APLF: variants seen among roughly 807,000 people sequenced by gnomAD.
The protein encoded by APLF is aprataxin and PNKP like factor.
In APLF, 61 loss-of-function variants were observed where a neutral mutation model predicts 55.6. The observed-to-expected ratio is 1.10, with a 90% CI of 0.89 to 1.36. APLF has a LOEUF of 1.36. APLF is among the 40% of genes most tolerant of loss of function. The pLI, the probability that APLF is intolerant of heterozygous loss-of-function variation, is 0.00. For synonymous variants in APLF, 207 were observed against 214.8 expected (o/e 0.96, Z 0.32); for missense variants, 611 against 602.5 (o/e 1.01, Z -0.15).
In APLF at chr2:68,472,991, G is replaced by T. The variant is rs543343308; in HGVS notation, c.96+5164G>T. On this transcript the variant is annotated intron_variant, in intron 1 of 9. Coordinates refer to ENST00000303795, the MANE Select transcript of APLF (RefSeq NM_173545.3). The stretch of plus-strand genomic sequence containing the variant: ...ACATTCTACACAGTATGGTATGTTT[G>T]TTGGAATTGATGAATCCACATTGAC... 2.6e-5 allele frequency among the ~76,000 whole-genome samples: 4 copies of T among 152,230 alleles called. No individual in the cohort carries two copies. In the South Asian group the frequency reaches 8.3e-4, roughly 32 times the overall value.
chr2:68,470,066 C>T (rs1573136152), intron 1 of APLF, among the ~76,000 whole-genome samples: 1 of 152,126 alleles, frequency 6.6e-6, no homozygotes, highest in Non-Finnish European at 1.5e-5. Context: ...CTTTCTTGTT[C>T]CCTTTGCTTT....
chr2:68,483,327 G>T (rs1676023026), intron 1 of APLF, among the ~76,000 whole-genome samples: 1 of 152,162 alleles, frequency 6.6e-6, no homozygotes, highest in South Asian at 2.1e-4. Flanking sequence ...CTGGGGCCCT[G>T]TGCTTACCAT....
In APLF at chr2:68,579,494, T is replaced by A; in HGVS notation, c.*1472T>A. On this transcript the variant is annotated 3_prime_UTR_variant, in exon 10 of 10. Coordinates refer to ENST00000303795, the MANE Select transcript of APLF (RefSeq NM_173545.3). ...TTCCACATAAAAACTGTACACAATG[T>A]CAATAGAAGCATTATTCTTAACAGC... The A allele has an allele frequency of 1.4e-6, 1 of 738,748 alleles. No individual in the cohort carries two copies. Among genetic ancestry groups the A allele is most frequent in the Non-Finnish European group, 1.7e-6 (1 of 605,090 alleles). The allele number at this position is 738,748 out of a possible 1,614,324, so 45.8% of individuals were successfully genotyped here.
chr2:68,574,202 T>A (rs984258215), intron 9 of APLF, among the ~76,000 whole-genome samples: 1 of 152,162 alleles, frequency 6.6e-6, no homozygotes, highest in Non-Finnish European at 1.5e-5. Flanking sequence ...AGTTTAATTT[T>A]TTTTTTTGGC....
chr2:68,545,254 G>C lies in APLF; in HGVS notation c.1228G>C (p.Val410Leu), dbSNP rs1028380032. The change falls in exon 8 of 10, where the codon GTG (valine) becomes CTG (leucine). Residue 410 changes from valine (V) to leucine (L), a missense_variant. By Grantham distance (32) the Val-to-Leu change is conservative. Coordinates refer to ENST00000303795, the MANE Select transcript of APLF (RefSeq NM_173545.3). ...TAGTGATTATGGAGGTGTACAAATC[G>C]TGGGCCAAGATGAGACTGATGACCG... ...GDSDYGGVQI[V>L]GQDETDDRPE... The C allele has an allele frequency of 8.7e-6, 14 of 1,613,746 alleles. No homozygotes were observed. The highest frequency in any genetic ancestry group is 1.0e-5 in the Non-Finnish European group (12 of 1,179,830).
At chr2:68,501,449 C>T (rs1676720511) in intron 2 of APLF, among the ~76,000 whole-genome samples, 1 of 151,482 alleles carries the variant, frequency 6.6e-6, no homozygotes, top group South Asian at 2.1e-4. Flanking sequence ...CACCAAAGAT[C>T]TGCATTATGT....
chr2:68,542,568 A>G (rs925820647), intron 7 of APLF, among the ~76,000 whole-genome samples: 1 of 152,168 alleles, frequency 6.6e-6, no homozygotes, highest in Non-Finnish European at 1.5e-5. Flanking sequence ...ATCACTAAAC[A>G]TTAGGGAAAT....
chr2:68,493,656 G>T (rs1442197316), intron 2 of APLF, among the ~76,000 whole-genome samples: 4 of 152,122 alleles, frequency 2.6e-5, no homozygotes, highest in African/African-American at 9.7e-5. Context: ...CCTGAGACTG[G>T]GTAATTTATA....
intron 8 of APLF, among the ~76,000 whole-genome samples, chr2:68,562,209 A>G (rs1275142630): frequency 6.6e-6 from 1 of 151,986 alleles, no homozygotes; most frequent in East Asian, 1.9e-4. Flanking sequence ...TAGAAGCAGA[A>G]TAGTGGTTAC....
At position 68,471,460 on chromosome 2, in the gene APLF, A is replaced by G. The variant is rs149101109; in HGVS notation, c.96+3633A>G. Among the ~76,000 whole-genome samples, 986 of 152,340 alleles carry G rather than the reference A, an allele frequency of 6.5e-3. 7 individuals are homozygous for G. The highest frequency in any genetic ancestry group is 0.023 in the African/African-American group (940 of 41,572). The stretch of plus-strand genomic sequence containing the variant: ...AAGAAACTTATAGTTTTGTAGGGTT[A>G]AGAGACAAATAAACAAGTATTAGTA... On this transcript the variant is annotated intron_variant, in intron 1 of 9. Coordinates refer to ENST00000303795, the MANE Select transcript of APLF (RefSeq NM_173545.3).
chr2:68,534,542 C>T (rs1323597580), intron 6 of APLF, among the ~76,000 whole-genome samples: 3 of 152,054 alleles, frequency 2.0e-5, no homozygotes, highest in African/African-American at 4.8e-5. Context: ...AGAAGTTAAC[C>T]GGCTATTTTA....
At chr2:68,483,369 C>T (rs535089363) in intron 1 of APLF, among the ~76,000 whole-genome samples, 36 of 152,336 alleles carry the variant, frequency 2.4e-4, no homozygotes, top group Middle Eastern at 3.4e-3. Flanking sequence ...TGGCTCCCAG[C>T]CAGTCTCACT....
In APLF at chr2:68,497,581, CT is replaced by C. The variant is rs111444956; in HGVS notation, c.169-5137del. 4.3e-3 allele frequency among the ~76,000 whole-genome samples: 629 copies of C among 144,622 alleles called. 5 individuals are homozygous for C. Among genetic ancestry groups the C allele is most frequent in the East Asian group, 0.024 (121 of 4,998 alleles). 94.9% of individuals were successfully genotyped at this position (144,622 alleles called of 152,430 possible). ...CTACAGAACTGTGGGTCAATTAAAC[CT>C]TTTTTTTTTTTTAAATAAATTACCC... On this transcript the variant is annotated intron_variant, in intron 2 of 9. Transcript: ENST00000303795.
In APLF at chr2:68,480,050, TAATC is replaced by T. The variant is rs548291721; in HGVS notation, c.97-10134_97-10131del. On this transcript the variant is annotated intron_variant, in intron 1 of 9. Coordinates refer to ENST00000303795, the MANE Select transcript of APLF (RefSeq NM_173545.3). Reference sequence around the variant, plus strand: ...TACATATAACATGCAAAATATGTGTTAATCAATCATTTATAATTGATTAAAGCTT... The same window carrying T: ...TACATATAACATGCAAAATATGTGTTAATCATTTATAATTGATTAAAGCTT... Among the ~76,000 whole-genome samples, 21 of 152,318 alleles carry T rather than the reference TAATC, an allele frequency of 1.4e-4. No individual in the cohort carries two copies. In the South Asian group the frequency reaches 1.4e-3, roughly 11 times the overall value.
chr2:68,483,297 A>G (rs749096145), intron 1 of APLF, among the ~76,000 whole-genome samples: 1 of 152,170 alleles, frequency 6.6e-6, no homozygotes, highest in African/African-American at 2.4e-5. Context: ...TCCTGTAGTA[A>G]GGACTGCAAG....
At position 68,490,171 on chromosome 2, in the gene APLF, T is replaced by C; in HGVS notation, c.97-19T>C. The C allele has an allele frequency of 6.4e-7, 1 of 1,560,478 alleles. No homozygotes were observed. Among genetic ancestry groups the C allele is most frequent in the Non-Finnish European group, 8.6e-7 (1 of 1,158,930 alleles). On this transcript the variant is annotated intron_variant, in intron 1 of 9. Coordinates refer to ENST00000303795, the MANE Select transcript of APLF (RefSeq NM_173545.3). ...AAGGAGGTGGCTATTCTTAATCTTT[T>C]AATTTTTTTACTGTATAGATAACAG...
At chr2:68,476,645 A>G (rs1384403431) in intron 1 of APLF, among the ~76,000 whole-genome samples, 1 of 152,014 alleles carries the variant, frequency 6.6e-6, no homozygotes. Context: ...TTCAGTGTAT[A>G]TATTGTGCAA....
intron 3 of APLF, among the ~76,000 whole-genome samples, chr2:68,511,085 T>G (rs1475684579): frequency 6.6e-6 from 1 of 151,742 alleles, no homozygotes; most frequent in African/African-American, 2.4e-5. Context: ...TGTTCTAAAA[T>G]TAGATATTGG....
chr2:68,512,428 G>A (rs533317873), intron 3 of APLF, among the ~76,000 whole-genome samples: 3 of 151,752 alleles, frequency 2.0e-5, no homozygotes, highest in South Asian at 2.1e-4. Context: ...TCAAATTTTC[G>A]AAAAGACAAA....
Sources: gnomAD v4.1 joint callset for allele counts (sites outside exome capture counted in the v4.1 genomes callset) on GRCh38, gnomAD v4.1.1 for gene constraint, MANE v1.5 for transcripts, NCBI Gene and HGNC (gene_info 2026-07-23, HGNC 2026-07-21) for gene names.